Variants in ZBTB20 observed in about 807,000 individuals in gnomAD.
The protein encoded by ZBTB20 is zinc finger and BTB domain-containing protein 20.
Under a neutral mutation model 56.9 loss-of-function variants are expected in ZBTB20, and 9 were observed. The observed-to-expected ratio is 0.16, with a 90% CI of 0.10 to 0.28. The LOEUF is 0.28. Among genes scored for constraint, ZBTB20 ranks in the 10% least tolerant of loss-of-function variants. ZBTB20 has a pLI of 1.00. For synonymous variants in ZBTB20, 417 were observed against 420.7 expected, an observed-to-expected ratio of 0.99 and a Z score of 0.11; for missense variants, 655 against 1,003.0, an observed-to-expected ratio of 0.65 and a Z score of 4.69.
intron 3 of ZBTB20, among the ~76,000 whole-genome samples, chr3:114,928,774 T>C (rs972521573): frequency 6.6e-6 from 1 of 152,214 alleles, no homozygotes; most frequent in Non-Finnish European, 1.5e-5. Context: ...AAATGTGCTG[T>C]AAATTTCAAG....
intron 7 of ZBTB20, among the ~76,000 whole-genome samples, chr3:114,463,058 C>T (rs2092399853): frequency 6.6e-6 from 1 of 152,188 alleles, no homozygotes; most frequent in Non-Finnish European, 1.5e-5. Flanking sequence ...GGAGATGCAG[C>T]TGCACCTTTT....
At chr3:114,859,711 C>A (rs1011251203) in intron 4 of ZBTB20, among the ~76,000 whole-genome samples, 3 of 151,088 alleles carry the variant, frequency 2.0e-5, no homozygotes, top group Non-Finnish European at 4.4e-5. Flanking sequence ...TAAAAGACTG[C>A]AATAGCTAGT....
intron 2 of ZBTB20, among the ~76,000 whole-genome samples, chr3:115,048,065 C>T (rs1321976913): frequency 2.7e-5 from 4 of 145,592 alleles, no homozygotes; most frequent in Non-Finnish European, 6.1e-5. Context: ...ACTAAAAATA[C>T]AAAAAAAAAA....
intron 3 of ZBTB20, among the ~76,000 whole-genome samples, chr3:114,927,732 A>T (rs932330342): frequency 1.3e-5 from 2 of 152,216 alleles, no homozygotes; most frequent in Non-Finnish European, 2.9e-5. Flanking sequence ...TGTAAAATTT[A>T]AAAAAACCTG....
intron 7 of ZBTB20, chr3:114,453,477 C>G (rs553318190): frequency 2.6e-5 from 4 of 152,032 alleles, no homozygotes; most frequent in African/African-American, 9.7e-5. Context: ...TTTTGGGAAC[C>G]CAAATTCCAT....
At chr3:114,424,691 A>C (rs2089492325) in intron 7 of ZBTB20, among the ~76,000 whole-genome samples, 1 of 152,172 alleles carries the variant, frequency 6.6e-6, no homozygotes, top group African/African-American at 2.4e-5. Flanking sequence ...ACGATCTTAC[A>C]GTTGTAGTTT....
In ZBTB20 at chr3:114,748,334, CT is replaced by C. The variant is rs762103705; in HGVS notation, c.-343+52766del. Reference sequence around the variant, plus strand: ...TCTTTCTTTCTTTCTTTCTTTCTTTCTTCTTTCTTTCTTTCTTTTCTCTCTC... The same window carrying C: ...TCTTTCTTTCTTTCTTTCTTTCTTTCTCTTTCTTTCTTTCTTTTCTCTCTC... On this transcript the variant is annotated intron_variant, in intron 5 of 11. Coordinates refer to ENST00000675478, the MANE Select transcript of ZBTB20 (RefSeq NM_001348800.3). Among the ~76,000 whole-genome samples, 494 of 57,200 alleles carry C rather than the reference CT, an allele frequency of 8.6e-3. 2 individuals are homozygous for C. Among genetic ancestry groups the C allele is most frequent in the African/African-American group, 0.024 (404 of 16,784 alleles). The allele number at this position is 57,200 out of a possible 152,430, so 37.5% of individuals were successfully genotyped here. A position where few individuals can be genotyped will look rare whatever the true frequency, so the allele number is the denominator to read the frequency against.
chr3:114,612,163 G>A (rs181478664), intron 6 of ZBTB20, among the ~76,000 whole-genome samples: 10 of 151,816 alleles, frequency 6.6e-5, no homozygotes, highest in African/African-American at 1.7e-4. Flanking sequence ...ATCTTTCAAC[G>A]TCCAGCTTTT....
chr3:114,835,297 T>G (rs2074061970), intron 4 of ZBTB20, among the ~76,000 whole-genome samples: 1 of 152,146 alleles, frequency 6.6e-6, no homozygotes, highest in Non-Finnish European at 1.5e-5. Context: ...CTCAACTTGA[T>G]CTCCCAGGAA....
chr3:114,707,631 G>A (rs1427175097), intron 5 of ZBTB20, among the ~76,000 whole-genome samples: 1 of 152,164 alleles, frequency 6.6e-6, no homozygotes, highest in Non-Finnish European at 1.5e-5. Flanking sequence ...AGTGTCCCCT[G>A]GAGGGGACAC....
At chr3:114,534,406 T>C (rs1036145272) in intron 6 of ZBTB20, among the ~76,000 whole-genome samples, 1 of 152,046 alleles carries the variant, frequency 6.6e-6, no homozygotes, top group African/African-American at 2.4e-5. Context: ...CATTACGTAA[T>C]GGTAAAGGGA....
chr3:115,007,433 C>T (rs2079521427), intron 2 of ZBTB20, among the ~76,000 whole-genome samples: 1 of 151,738 alleles, frequency 6.6e-6, no homozygotes, highest in African/African-American at 2.4e-5. Context: ...CAAACTCATT[C>T]TTCAGGACTT....
In ZBTB20 at chr3:114,335,831, A is replaced by G. The variant is rs1165522323; in HGVS notation, c.*3174T>C. On this transcript the variant is annotated 3_prime_UTR_variant, in exon 12 of 12. Coordinates refer to ENST00000675478, the MANE Select transcript of ZBTB20 (RefSeq NM_001348800.3). ...CCCCACTCCCTTTTTTTTAAGAGAC[A>G]CTTCCTTTACAGGGAAAGGATGATA... 1 of 152,046 alleles carries G rather than the reference A, an allele frequency of 6.6e-6. No homozygotes were observed. Among genetic ancestry groups the G allele is most frequent in the African/African-American group, 2.4e-5 (1 of 41,378 alleles). 9.4% of individuals were successfully genotyped at this position (152,046 alleles called of 1,614,324 possible).
At chr3:115,070,216 A>C (rs2082358983) in intron 2 of ZBTB20, among the ~76,000 whole-genome samples, 1 of 152,150 alleles carries the variant, frequency 6.6e-6, no homozygotes, top group African/African-American at 2.4e-5. Flanking sequence ...AATCTTTCAC[A>C]GTTGTCTAGC....
In ZBTB20 at chr3:114,336,273, A is replaced by T. The variant is rs1314297467; in HGVS notation, c.*2732T>A. On this transcript the variant is annotated 3_prime_UTR_variant, in exon 12 of 12. Coordinates refer to ENST00000675478, the MANE Select transcript of ZBTB20 (RefSeq NM_001348800.3). ...GAATCACTTGTTTTCCAAAATATCA[A>T]AACAATTCCATGACATAGTTAATTA... The T allele has an allele frequency of 1.3e-5, 2 of 152,194 alleles. No individual in the cohort carries two copies. The highest frequency in any genetic ancestry group is 4.8e-5 in the African/African-American group (2 of 41,448). 9.4% of individuals were successfully genotyped at this position (152,194 alleles called of 1,614,324 possible).
At chr3:114,731,896 G>A (rs2108545294) in intron 5 of ZBTB20, among the ~76,000 whole-genome samples, 1 of 151,416 alleles carries the variant, frequency 6.6e-6, no homozygotes, top group South Asian at 2.1e-4. Context: ...AACTAATCCG[G>A]CTGTGCCTAG....
At chr3:114,964,529 G>C (rs2077573825) in intron 3 of ZBTB20, among the ~76,000 whole-genome samples, 1 of 152,128 alleles carries the variant, frequency 6.6e-6, no homozygotes, top group South Asian at 2.1e-4. Context: ...GATAAATAAG[G>C]CCTCTGCTGG....
At position 114,351,489 on chromosome 3, in the gene ZBTB20, C is replaced by T; in HGVS notation, c.589G>A (p.Val197Met). The T allele has an allele frequency of 6.2e-7, 1 of 1,613,920 alleles. No homozygotes were observed. Among genetic ancestry groups the T allele is most frequent in the South Asian group, 1.1e-5 (1 of 91,086 alleles). Reference protein sequence around the residue: ...DECTRIVSQNVGDVFPGIQDS... With the variant: ...DECTRIVSQNMGDVFPGIQDS... ...TGGATCCCCGGGAACACATCGCCCA[C>T]GTTCTGTGACACGATGCGCGTGCAC... The change falls in exon 11 of 12, where the codon GTG becomes ATG. Residue 197 changes from valine to methionine, a missense_variant. Coordinates refer to ENST00000675478, the MANE Select transcript of ZBTB20 (RefSeq NM_001348800.3).
chr3:114,966,190 C>T lies in ZBTB20; in HGVS notation c.-456+8176G>A, dbSNP rs115997654. Reference sequence around the variant, plus strand: ...TGGAACATCAATTACTTCTTTGTAACGGTATACTGATTTCCTTTTAAGGAA... The same window carrying T: ...TGGAACATCAATTACTTCTTTGTAATGGTATACTGATTTCCTTTTAAGGAA... On this transcript the variant is annotated intron_variant, in intron 3 of 11. Coordinates refer to ENST00000675478, the MANE Select transcript of ZBTB20 (RefSeq NM_001348800.3). Among the ~76,000 whole-genome samples, 397 of 152,136 alleles carry T rather than the reference C, an allele frequency of 2.6e-3. 2 individuals carry two copies. Among genetic ancestry groups the T allele is most frequent in the African/African-American group, 9.3e-3 (386 of 41,514 alleles).
Sources: gnomAD v4.1 joint callset for allele counts (sites outside exome capture counted in the v4.1 genomes callset) on GRCh38, gnomAD v4.1.1 for gene constraint, MANE v1.5 for transcripts, NCBI Gene and HGNC (gene_info 2026-07-23, HGNC 2026-07-21) for gene names.